Variants in SLAMF1 observed in about 807,000 individuals in gnomAD.
SLAMF1 encodes signaling lymphocytic activation molecule.
SLAMF1 carries 18 observed loss-of-function variants against 35.1 expected under a neutral mutation model. That is an observed-to-expected ratio of 0.51 (90% CI 0.35 to 0.76). SLAMF1 has a LOEUF of 0.76. Ranked by LOEUF, SLAMF1 falls within the 30% of genes least tolerant of loss-of-function variation. SLAMF1 has a pLI of 0.01. For synonymous variants in SLAMF1, 168 were observed against 157.2 expected (o/e 1.07, Z -0.51); for missense variants, 392 against 413.0 (o/e 0.95, Z 0.44).
Position 160,618,617 on chromosome 1 carries a change from C to T in SLAMF1, c.864+1159G>A, listed in dbSNP as rs533291529. Among the ~76,000 whole-genome samples, 357 of 152,270 alleles carry T rather than the reference C, an allele frequency of 2.3e-3. 2 individuals carry two copies. Among genetic ancestry groups the T allele is most frequent in the African/African-American group, 8.2e-3 (340 of 41,540 alleles). On this transcript the variant is annotated intron_variant, in intron 5 of 6. Transcript: ENST00000302035. ...TTTCAGTCTTGCAGGTCAGCTCAGACTCAAATGTAGAACTGGGAGGACAGT... is the reference window on the plus strand; with the variant it reads ...TTTCAGTCTTGCAGGTCAGCTCAGATTCAAATGTAGAACTGGGAGGACAGT...
intron 1 of SLAMF1, among the ~76,000 whole-genome samples, chr1:160,640,981 T>A (rs1660716433): frequency 1.3e-5 from 2 of 152,148 alleles, no homozygotes; most frequent in African/African-American, 4.8e-5. Context: ...TGCCTGACTG[T>A]CTAGATAATG....
intron 3 of SLAMF1, 84 bp from the exon 4 acceptor site, chr1:160,624,269 C>T: frequency 6.3e-6 from 6 of 957,244 alleles, no homozygotes; most frequent in Admixed American, 2.0e-5. Context: ...ATAATGGAGC[C>T]TCATGTTCTA....
intron 3 of SLAMF1, among the ~76,000 whole-genome samples, chr1:160,629,148 G>C (rs1377761471): frequency 6.6e-6 from 1 of 152,188 alleles, no homozygotes; most frequent in Admixed American, 6.5e-5. Flanking sequence ...CATTTGGGAA[G>C]AGTGCTTTGC....
At chr1:160,616,372 C>T (rs895899620) in intron 5 of SLAMF1, among the ~76,000 whole-genome samples, 9 of 83,044 alleles carry the variant, frequency 1.1e-4, no homozygotes, top group African/African-American at 4.1e-4. Flanking sequence ...CCAGCCACTG[C>T]AGTGCCTTCT....
chr1:160,631,800 C>T (rs939624371), intron 3 of SLAMF1, among the ~76,000 whole-genome samples: 2 of 152,152 alleles, frequency 1.3e-5, no homozygotes, highest in Non-Finnish European at 2.9e-5. Flanking sequence ...ACCTTGACCT[C>T]AAACTTCTAG....
At chr1:160,645,976 C>T (rs943079291) in intron 1 of SLAMF1, among the ~76,000 whole-genome samples, 2 of 152,152 alleles carry the variant, frequency 1.3e-5, no homozygotes, top group African/African-American at 4.8e-5. Flanking sequence ...CAGGCTACCT[C>T]CCACAGTCTA....
intron 3 of SLAMF1, among the ~76,000 whole-genome samples, chr1:160,631,336 G>A (rs527272652): frequency 6.6e-6 from 1 of 152,326 alleles, no homozygotes; most frequent in Non-Finnish European, 1.5e-5. Context: ...AGGGTGGGGA[G>A]GAGGCATCTC....
At chr1:160,628,841 T>C (rs931794574) in intron 3 of SLAMF1, among the ~76,000 whole-genome samples, 1 of 152,228 alleles carries the variant, frequency 6.6e-6, no homozygotes, top group Non-Finnish European at 1.5e-5. Context: ...AATAACAAGA[T>C]GGAGCCAGGA....
intron 3 of SLAMF1, 177 bp downstream of exon 3, chr1:160,634,436 C>A (rs1660318949): frequency 1.0e-6 from 1 of 980,486 alleles, no homozygotes; most frequent in Non-Finnish European, 1.2e-6. Context: ...AAAAATGCCA[C>A]CCTGGTCAAT....
rs530772709 is a variant in SLAMF1, at chr1:160,611,670, G to A, written c.957+818C>T. ...AGTAAAGGAAAGATTCCTGTCCGAA[G>A]TAAACTTAGTCCCTGCTGATCTTGC... On this transcript the variant is annotated intron_variant, in intron 6 of 6. Coordinates refer to ENST00000302035, the MANE Select transcript of SLAMF1 (RefSeq NM_003037.5). Among the ~76,000 whole-genome samples the A allele has an allele frequency of 9.2e-5, 14 of 152,334 alleles. No individual in the cohort carries two copies. In the South Asian group the frequency reaches 2.9e-3, roughly 32 times the overall value.
chr1:160,624,596 C>T (rs879633532), intron 3 of SLAMF1, among the ~76,000 whole-genome samples: 5 of 152,130 alleles, frequency 3.3e-5, no homozygotes, highest in Admixed American at 6.6e-5. Flanking sequence ...TGTGAATTCA[C>T]GCTATTCTCA....
chr1:160,644,041 G>T (rs776212173), intron 1 of SLAMF1, among the ~76,000 whole-genome samples: 7 of 152,154 alleles, frequency 4.6e-5, no homozygotes, highest in African/African-American at 1.7e-4. Flanking sequence ...ATGAACATTT[G>T]CATGATGAAA....
In SLAMF1 at chr1:160,609,573, T is replaced by C. The variant is rs1658871441; in HGVS notation, c.*1175A>G. On this transcript the variant is annotated 3_prime_UTR_variant, in exon 7 of 7. Coordinates refer to ENST00000302035, the MANE Select transcript of SLAMF1 (RefSeq NM_003037.5). ...CTTACCAAGTTTATATAAGAAACAATAAGAAAAAGCAGGGCTTAAATTGAG... is the reference window on the plus strand; with the variant it reads ...CTTACCAAGTTTATATAAGAAACAACAAGAAAAAGCAGGGCTTAAATTGAG... 1 of 152,050 alleles carries C rather than the reference T, an allele frequency of 6.6e-6. No homozygotes were observed. Among genetic ancestry groups the C allele is most frequent in the Admixed American group, 6.5e-5 (1 of 15,268 alleles). The allele number at this position is 152,050 out of a possible 1,614,324, so 9.4% of individuals were successfully genotyped here. A position where few individuals can be genotyped will look rare whatever the true frequency, so the allele number is the denominator to read the frequency against.
chr1:160,617,087 C>A (rs570934855), intron 5 of SLAMF1, among the ~76,000 whole-genome samples: 1 of 151,420 alleles, frequency 6.6e-6, no homozygotes, highest in South Asian at 2.1e-4. Flanking sequence ...ACCCAGGAGG[C>A]GGAGGTTGCA....
Position 160,637,290 on chromosome 1 carries a change from C to G in SLAMF1, c.316G>C (p.Gly106Arg), listed in dbSNP as rs1436447989. 1 of 1,613,996 alleles carries G rather than the reference C, an allele frequency of 6.2e-7. No individual in the cohort carries two copies. Among genetic ancestry groups the G allele is most frequent in the Non-Finnish European group, 8.5e-7 (1 of 1,179,940 alleles). Residue 106 changes from glycine to arginine, a missense_variant, in exon 2 of 7, where the codon GGG becomes CGG. Gly to Arg is a moderately radical substitution (Grantham distance 125). Coordinates refer to ENST00000302035, the MANE Select transcript of SLAMF1 (RefSeq NM_003037.5). ...TCCTCCTTCCTGCTTTCCCGTATCCCCAGGGTGAGATTCTCCAGATAAAAC... is the reference window on the plus strand; with the variant it reads ...TCCTCCTTCCTGCTTTCCCGTATCCGCAGGGTGAGATTCTCCAGATAAAAC... ...YKFYLENLTL[G>R]IRESRKEDEG...
intron 1 of SLAMF1, among the ~76,000 whole-genome samples, chr1:160,641,850 C>G (rs919964232): frequency 6.6e-6 from 1 of 152,136 alleles, no homozygotes; most frequent in Non-Finnish European, 1.5e-5. Context: ...CTAAAAGAGT[C>G]TGGGAGGAAA....
Position 160,646,995 on chromosome 1 carries a change from C to A in SLAMF1, c.-50G>T. On this transcript the variant is annotated 5_prime_UTR_variant, in exon 1 of 7. It introduces an in-frame stop codon into an upstream open reading frame of the 5' UTR. Coordinates refer to ENST00000302035, the MANE Select transcript of SLAMF1 (RefSeq NM_003037.5). ...TCCTGGCCGGAGCCTGGCAGCTGCT[C>A]ACAGATGCCAGGCAGAAGCAAGCTT... 1.1e-6 allele frequency: 1 copy of A among 941,520 alleles called. No homozygotes were observed. Among genetic ancestry groups the A allele is most frequent in the South Asian group, 1.3e-5 (1 of 75,310 alleles). 58.3% of individuals were successfully genotyped at this position (941,520 alleles called of 1,614,324 possible). A position where few individuals can be genotyped will look rare whatever the true frequency, so the allele number is the denominator to read the frequency against.
intron 4 of SLAMF1, among the ~76,000 whole-genome samples, chr1:160,622,594 C>T (rs1659673708): frequency 6.6e-6 from 1 of 152,168 alleles, no homozygotes; most frequent in Admixed American, 6.5e-5. Context: ...ATGTATCTAT[C>T]TATCTATCAC....
intron 1 of SLAMF1, among the ~76,000 whole-genome samples, chr1:160,638,585 T>C (rs1364265490): frequency 6.6e-6 from 1 of 152,248 alleles, no homozygotes; most frequent in Admixed American, 6.5e-5. Context: ...TCTCCATTTC[T>C]GTTTTCCTTT....
Sources: gnomAD v4.1 joint callset for allele counts (sites outside exome capture counted in the v4.1 genomes callset) on GRCh38, gnomAD v4.1.1 for gene constraint, MANE v1.5 for transcripts, NCBI Gene and HGNC (gene_info 2026-07-23, HGNC 2026-07-21) for gene names.